Variants in DEPDC4 observed in about 807,000 individuals in gnomAD.
The protein encoded by DEPDC4 is DEP domain-containing protein 4.
In DEPDC4, 52 loss-of-function variants were observed where a neutral mutation model predicts 52.0. That is an observed-to-expected ratio of 1.00 (90% CI 0.80 to 1.26). The LOEUF (loss-of-function observed/expected upper bound fraction) is 1.26, where lower values mean the gene tolerates loss of function less well. DEPDC4 is among the 50% of genes most tolerant of loss of function. The pLI, the probability that DEPDC4 is intolerant of heterozygous loss-of-function variation, is 0.00. For synonymous variants in DEPDC4, 201 were observed against 196.8 expected (o/e 1.02, Z -0.18); for missense variants, 530 against 546.9 (o/e 0.97, Z 0.31).
At chr12:100,280,971 C>G in the DEPDC4 span, among the ~76,000 whole-genome samples, 1 of 144,858 alleles carries the variant, frequency 6.9e-6, no homozygotes, top group Non-Finnish European at 1.5e-5. Flanking sequence ...TAAAAATAAT[C>G]TTCTGACTGT....
At chr12:100,235,544 C>G (rs191504528), downstream of DEPDC4, among the ~76,000 whole-genome samples, 2 of 151,680 alleles carry the variant, frequency 1.3e-5, no homozygotes, top group Admixed American at 6.6e-5. Flanking sequence ...CACCCTTTCA[C>G]CCCCAAGTCC....
chr12:100,253,544 ATCTC>A lies in DEPDC4; in HGVS notation c.1046_1049del (p.Arg349IlefsTer4), dbSNP rs2096217901. ...CAAAATACTCATCAGTTAATAGGCA[ATCTC>A]TCTCTTGAGCATAGTATTTTGCTAT... is the stretch of plus-strand genomic sequence containing the variant. On this transcript the variant is annotated frameshift_variant, in exon 5 of 10. Transcript: ENST00000550587. LOFTEE classifies it high-confidence loss of function. 1 of 1,288,274 alleles carries A rather than the reference ATCTC, an allele frequency of 7.8e-7. No homozygotes were observed. The highest frequency in any genetic ancestry group is 1.0e-6 in the Non-Finnish European group (1 of 988,200). The allele number at this position is 1,288,274 out of a possible 1,614,324, so 79.8% of individuals were successfully genotyped here.
At chr12:100,236,724 G>T (rs148273528), downstream of DEPDC4, among the ~76,000 whole-genome samples, 127 of 152,174 alleles carry the variant, frequency 8.3e-4, no homozygotes, top group African/African-American at 3.0e-3. Flanking sequence ...TATTGTATTT[G>T]CTTTTGGGTT....
chr12:100,269,238 C>T (rs1027391393), upstream of DEPDC4, among the ~76,000 whole-genome samples: 2 of 152,096 alleles, frequency 1.3e-5, no homozygotes, highest in African/African-American at 4.8e-5. Flanking sequence ...TTCCCTTTCT[C>T]CCCTAGTCAC....
intron 4 of DEPDC4, among the ~76,000 whole-genome samples, chr12:100,254,648 G>A (rs559672872): frequency 3.3e-5 from 5 of 152,074 alleles, no homozygotes; most frequent in African/African-American, 4.8e-5. Flanking sequence ...AAATCCTCAA[G>A]TATCTTTCTT....
At chr12:100,281,019 G>GTTTT in the DEPDC4 span, among the ~76,000 whole-genome samples, 54 of 50,480 alleles carry the variant, frequency 1.1e-3, 8 homozygotes, top group Non-Finnish European at 1.6e-3. Flanking sequence ...TACCATCAGT[G>GTTTT]TTTTTTTTTT....
intron 3 of DEPDC4, chr12:100,257,891 G>A (rs2096240661): frequency 6.6e-6 from 1 of 152,190 alleles, no homozygotes; most frequent in Admixed American, 6.5e-5. Flanking sequence ...TTGGCCCACA[G>A]CCATGATCTG....
chr12:100,233,334 G>A (rs577436493), intron 9 of DEPDC4, among the ~76,000 whole-genome samples: 30 of 152,110 alleles, frequency 2.0e-4, no homozygotes, highest in South Asian at 8.3e-4. Flanking sequence ...AAATGTTCTC[G>A]GCAACCCAGT....
intron 1 of DEPDC4, 68 bp downstream of exon 1, chr12:100,266,852 A>G (rs894081296): frequency 1.1e-5 from 17 of 1,541,432 alleles, no homozygotes; most frequent in Middle Eastern, 3.5e-4. Context: ...GCAGAGTCCC[A>G]GCCGCCTGCT....
downstream of DEPDC4, among the ~76,000 whole-genome samples, chr12:100,239,177 A>G (rs2096149089): frequency 6.6e-6 from 1 of 151,890 alleles, no homozygotes; most frequent in African/African-American, 2.4e-5. Flanking sequence ...CCTGGGTTCA[A>G]GCAATTCTCC....
At position 100,244,130 on chromosome 12, in the gene DEPDC4, T is replaced by C. The variant is rs1263363877; in HGVS notation, c.1454-1561A>G. On this transcript the variant is annotated intron_variant, in intron 8 of 9. Coordinates refer to ENST00000550587, the MANE Select transcript of DEPDC4 (RefSeq NM_001364818.2). ...ATATATATATATATATATATATATA[T>C]ATATACACAAAATACAATAAAATAC... Among the ~76,000 whole-genome samples the C allele has an allele frequency of 5.8e-5, 7 of 120,414 alleles. 1 individual carries two copies. Among genetic ancestry groups the C allele is most frequent in the Admixed American group, 2.5e-4 (3 of 11,842 alleles). The allele number at this position is 120,414 out of a possible 152,430, so 79.0% of individuals were successfully genotyped here. A position where few individuals can be genotyped will look rare whatever the true frequency, so the allele number is the denominator to read the frequency against.
chr12:100,267,327 G>C (rs1051713235), upstream of DEPDC4: 5 of 403,264 alleles, frequency 1.2e-5, no homozygotes, highest in African/African-American at 4.1e-5. Context: ...AGCAGGAACA[G>C]CCAGGAGGCG....
At chr12:100,272,868 A>G in the DEPDC4 span, among the ~76,000 whole-genome samples, 2 of 152,240 alleles carry the variant, frequency 1.3e-5, no homozygotes, top group Non-Finnish European at 2.9e-5. Flanking sequence ...ATAAAAGTAT[A>G]TAACGTAGTT....
intron 7 of DEPDC4, among the ~76,000 whole-genome samples, chr12:100,251,619 G>C (rs1010255882): frequency 6.6e-6 from 1 of 151,528 alleles, no homozygotes; most frequent in Admixed American, 6.6e-5. Flanking sequence ...CCAGGCTGGG[G>C]TGCAGTGGCG....
the DEPDC4 span, among the ~76,000 whole-genome samples, chr12:100,280,810 A>G: frequency 6.3e-4 from 96 of 152,184 alleles, no homozygotes; most frequent in African/African-American, 2.2e-3. Flanking sequence ...TGAAAAAATA[A>G]AAAAATCCAA....
chr12:100,260,264 G>A (rs113635502), intron 3 of DEPDC4, among the ~76,000 whole-genome samples: 9,555 of 151,742 alleles, frequency 0.063, 328 homozygotes, highest in Middle Eastern at 0.14. Flanking sequence ...AGGATTATAG[G>A]CACGCACCAC....
At chr12:100,233,869 G>A (rs1013496236) in intron 9 of DEPDC4, among the ~76,000 whole-genome samples, 4 of 151,926 alleles carry the variant, frequency 2.6e-5, no homozygotes, top group Admixed American at 6.6e-5. Flanking sequence ...GAAGAAAAAC[G>A]TTTTGTCTCA....
At chr12:100,254,359 T>C (rs1047848147) in intron 4 of DEPDC4, among the ~76,000 whole-genome samples, 2 of 143,162 alleles carry the variant, frequency 1.4e-5, no homozygotes, top group East Asian at 2.2e-4. Flanking sequence ...AGCATCTTAC[T>C]CTGTTGCCCA....
intron 8 of DEPDC4, among the ~76,000 whole-genome samples, chr12:100,243,436 G>C (rs555410045): frequency 1.4e-4 from 21 of 152,048 alleles, no homozygotes; most frequent in African/African-American, 5.1e-4. Context: ...AGACAATATG[G>C]TCTCCTCCTA....
Sources: allele counts gnomAD v4.1 joint callset (sites outside exome capture counted in the v4.1 genomes callset), GRCh38; gene constraint gnomAD v4.1.1; transcripts MANE v1.5; gene names NCBI Gene and HGNC (gene_info 2026-07-23, HGNC 2026-07-21).